SIGLEC14: variants seen among roughly 807,000 people sequenced by gnomAD.
SIGLEC14 encodes sialic acid-binding Ig-like lectin 14.
SIGLEC14 carries 11 observed loss-of-function variants against 34.2 expected under a neutral mutation model. The observed-to-expected ratio is 0.32, with a 90% confidence interval of 0.20 to 0.53. SIGLEC14 has a LOEUF of 0.53. Among genes scored for constraint, SIGLEC14 ranks in the 20% least tolerant of loss-of-function variants. The pLI is 0.95. For missense variants in SIGLEC14, 264 were observed against 439.0 expected (o/e 0.60, Z 3.56); for synonymous variants, 99 against 179.7 (o/e 0.55, Z 3.59).
chr19:51,643,816 C>T lies in SIGLEC14; in HGVS notation c.975G>A (p.Leu325=), dbSNP rs202211163. 2.0e-6 allele frequency: 3 copies of T among 1,527,636 alleles called. No homozygotes were observed. Among genetic ancestry groups the T allele is most frequent in the Admixed American group, 3.5e-5 (2 of 57,748 alleles). 94.6% of individuals were successfully genotyped at this position (1,527,636 alleles called of 1,614,324 possible). ...GGATGAAGGACAGGTGCTGGGAGCCCAGCGGATGCTGAACCCGGCAGGTGA... is the reference window on the plus strand; with the variant it reads ...GGATGAAGGACAGGTGCTGGGAGCCTAGCGGATGCTGAACCCGGCAGGTGA... The part of the protein sequence containing the change: ...GEFTCRVQHP[L]GSQHLSFILS... Residue 325 remains leucine (L), a synonymous_variant, in exon 5 of 7, where the codon CTG becomes CTA. Transcript: ENST00000360844.
rs1393915136 is a variant in SIGLEC14, at chr19:51,646,252, C to T, written c.421+5G>A. The T allele has an allele frequency of 1.1e-5, 16 of 1,418,758 alleles. 3 individuals carry two copies. The highest frequency in any genetic ancestry group is 5.6e-5 in the Admixed American group (3 of 53,726). The allele number at this position is 1,418,758 out of a possible 1,614,324, so 87.9% of individuals were successfully genotyped here. A position where few individuals can be genotyped will look rare whatever the true frequency, so the allele number is the denominator to read the frequency against. Reference sequence around the variant, plus strand: ...CAGGGTCCTCTCCTAGGGTTCCTGCCATACCTGTCACCTCCAAGTTCAGCT... The same window carrying T: ...CAGGGTCCTCTCCTAGGGTTCCTGCTATACCTGTCACCTCCAAGTTCAGCT... On this transcript the variant is annotated splice_donor_5th_base_variant and intron_variant, in intron 2 of 6. Coordinates refer to ENST00000360844, the MANE Select transcript of SIGLEC14 (RefSeq NM_001098612.3).
Position 51,643,412 on chromosome 19 carries a change from T to C in SIGLEC14, c.1149-15A>G. ...GGCCTCCACACCTGCAGAGCCAACA[T>C]GGGCCTCAGATCAGCACCAGCCACT... On this transcript the variant is annotated splice_polypyrimidine_tract_variant and intron_variant, in intron 6 of 6. Coordinates refer to ENST00000360844, the MANE Select transcript of SIGLEC14 (RefSeq NM_001098612.3). 1 of 1,479,478 alleles carries C rather than the reference T, an allele frequency of 6.8e-7. No homozygotes were observed. The highest frequency in any genetic ancestry group is 9.0e-7 in the Non-Finnish European group (1 of 1,113,758). 91.6% of individuals were successfully genotyped at this position (1,479,478 alleles called of 1,614,324 possible). A position where few individuals can be genotyped will look rare whatever the true frequency, so the allele number is the denominator to read the frequency against.
intron 6 of SIGLEC14, 51 bp downstream of exon 6, chr19:51,643,486 C>T: frequency 7.1e-7 from 1 of 1,409,330 alleles, no homozygotes; most frequent in Non-Finnish European, 9.3e-7. Flanking sequence ...CAGGACAGCT[C>T]AGCCCCACCT....
In SIGLEC14 at chr19:51,642,931, G is replaced by A. The variant is rs554556941; in HGVS notation, c.*424C>T. 75 of 152,840 alleles carry A rather than the reference G, an allele frequency of 4.9e-4. 9 individuals carry two copies. The highest frequency in any genetic ancestry group is 8.4e-4 in the Non-Finnish European group (65 of 77,678). The allele number at this position is 152,840 out of a possible 1,614,324, so 9.5% of individuals were successfully genotyped here. A position where few individuals can be genotyped will look rare whatever the true frequency, so the allele number is the denominator to read the frequency against. On this transcript the variant is annotated 3_prime_UTR_variant, in exon 7 of 7. Coordinates refer to ENST00000360844, the MANE Select transcript of SIGLEC14 (RefSeq NM_001098612.3). ...CCCAGCTACTAGGGAGGCTGAGGCA[G>A]GAGAATTGCTTGAACCCCAGAGGTG...
rs1009926703 is a variant in SIGLEC14, at chr19:51,639,569, A to G, written c.*3786T>C. On this transcript the variant is annotated 3_prime_UTR_variant, in exon 7 of 7. Coordinates refer to ENST00000360844, the MANE Select transcript of SIGLEC14 (RefSeq NM_001098612.3). ...CCAGCGGATTCAGTGTCTGGAGAGA[A>G]TTATTTGCTTCCCAGATAGTATCTT... 2 of 139,600 alleles carry G rather than the reference A, an allele frequency of 1.4e-5. No individual in the cohort carries two copies. The highest frequency in any genetic ancestry group is 3.1e-5 in the Non-Finnish European group (2 of 64,998). 8.6% of individuals were successfully genotyped at this position (139,600 alleles called of 1,614,324 possible).
In SIGLEC14 at chr19:51,640,303, C is replaced by T. The variant is rs1333626544; in HGVS notation, c.*3052G>A. Among the ~76,000 whole-genome samples the T allele has an allele frequency of 2.2e-5, 3 of 138,758 alleles. 1 individual carries two copies. Among genetic ancestry groups the T allele is most frequent in the African/African-American group, 8.2e-5 (3 of 36,490 alleles). 91.0% of individuals were successfully genotyped at this position (138,758 alleles called of 152,430 possible). A position where few individuals can be genotyped will look rare whatever the true frequency, so the allele number is the denominator to read the frequency against. On this transcript the variant is annotated 3_prime_UTR_variant, in exon 7 of 7. Transcript: ENST00000360844. ...GGAGTCAATATTTGGGGAAAGGCAC[C>T]AACAAGGAATAAATAGCTTTATTCC...
rs543339098 is a variant in SIGLEC14, at chr19:51,642,281, C to T, written c.*1074G>A. 5.8e-5 allele frequency among the ~76,000 whole-genome samples: 8 copies of T among 139,066 alleles called. No homozygotes were observed. Among genetic ancestry groups the T allele is most frequent in the Admixed American group, 1.4e-4 (2 of 14,480 alleles). 91.2% of individuals were successfully genotyped at this position (139,066 alleles called of 152,430 possible). ...AATGAGCTATTGATACGTGTAACAA[C>T]GTGGATAAACTGGGAAAACCACACT... is the stretch of plus-strand genomic sequence containing the variant. On this transcript the variant is annotated 3_prime_UTR_variant, in exon 7 of 7. Transcript: ENST00000360844.
rs1355178677 is a variant in SIGLEC14 at position 51,641,681 on chromosome 19, T to C, written c.*1674A>G. Among the ~76,000 whole-genome samples, 1 of 139,074 alleles carries C rather than the reference T, an allele frequency of 7.2e-6. No homozygotes were observed. Among genetic ancestry groups the C allele is most frequent in the Non-Finnish European group, 1.5e-5 (1 of 65,000 alleles). The allele number at this position is 139,074 out of a possible 152,430, so 91.2% of individuals were successfully genotyped here. On this transcript the variant is annotated 3_prime_UTR_variant, in exon 7 of 7. Coordinates refer to ENST00000360844, the MANE Select transcript of SIGLEC14 (RefSeq NM_001098612.3). Reference sequence around the variant, plus strand: ...CTGGAGACCATTATCCTCAGCAAACTATCACAAGAAGAGAAAACCAAATAC... The same window carrying C: ...CTGGAGACCATTATCCTCAGCAAACCATCACAAGAAGAGAAAACCAAATAC...
Position 51,643,191 on chromosome 19 carries a change from G to T in SIGLEC14, c.*164C>A. On this transcript the variant is annotated 3_prime_UTR_variant, in exon 7 of 7. Coordinates refer to ENST00000360844, the MANE Select transcript of SIGLEC14 (RefSeq NM_001098612.3). ...TGGGGATGCAGGTGTGGTGGGGCAA[G>T]ACTCACAAGCAGAGGGGAATAAGTA... 1.5e-6 allele frequency: 1 copy of T among 667,178 alleles called. No homozygotes were observed. The highest frequency in any genetic ancestry group is 1.6e-5 in the South Asian group (1 of 60,788). The allele number at this position is 667,178 out of a possible 1,614,324, so 41.3% of individuals were successfully genotyped here. A position where few individuals can be genotyped will look rare whatever the true frequency, so the allele number is the denominator to read the frequency against.
chr19:51,642,856 A>T lies in SIGLEC14; in HGVS notation c.*499T>A, dbSNP rs1252471400. 2.0e-5 allele frequency: 3 copies of T among 151,730 alleles called. 1 individual carries two copies. Among genetic ancestry groups the T allele is most frequent in the African/African-American group, 8.9e-5 (3 of 33,822 alleles). 9.4% of individuals were successfully genotyped at this position (151,730 alleles called of 1,614,324 possible). A position where few individuals can be genotyped will look rare whatever the true frequency, so the allele number is the denominator to read the frequency against. ...AACATGGTAAAACCCCATCTCTACT[A>T]ACATACAAAAAAAAAAAATTAACTG... On this transcript the variant is annotated 3_prime_UTR_variant, in exon 7 of 7. Coordinates refer to ENST00000360844, the MANE Select transcript of SIGLEC14 (RefSeq NM_001098612.3).
At position 51,643,999 on chromosome 19, in the gene SIGLEC14, G is replaced by T; in HGVS notation, c.792C>A (p.Ile264=). The change falls in exon 5 of 7, where the codon ATC becomes ATA. Residue 264 remains isoleucine (I), a synonymous_variant. Coordinates refer to ENST00000360844, the MANE Select transcript of SIGLEC14 (RefSeq NM_001098612.3). ...CGAGGAACAGGGACTGGCCCTCCTG[G>T]ATGGGCACCGACATGCCATTGCTCA... is the stretch of plus-strand genomic sequence containing the variant. ...RILSNGMSVP[I]QEGQSLFLAC... 1 of 1,527,402 alleles carries T rather than the reference G, an allele frequency of 6.5e-7. No homozygotes were observed. The highest frequency in any genetic ancestry group is 8.8e-7 in the Non-Finnish European group (1 of 1,138,138). The allele number at this position is 1,527,402 out of a possible 1,614,324, so 94.6% of individuals were successfully genotyped here. A position where few individuals can be genotyped will look rare whatever the true frequency, so the allele number is the denominator to read the frequency against.
rs1173295852 is a variant in SIGLEC14, at chr19:51,643,978, G to T, written c.813C>A (p.Phe271Leu). 2 of 1,532,376 alleles carry T rather than the reference G, an allele frequency of 1.3e-6. 1 individual carries two copies. The highest frequency in any genetic ancestry group is 3.0e-5 in the African/African-American group (2 of 67,706). The allele number at this position is 1,532,376 out of a possible 1,614,324, so 94.9% of individuals were successfully genotyped here. The change falls in exon 5 of 7, where the codon TTC becomes TTA. Residue 271 changes from phenylalanine (F) to leucine (L), a missense_variant. Physicochemically the swap from Phe to Leu is conservative, Grantham distance 22. This residue lies in a region of SIGLEC14 where 149 missense variants were observed against 184.4 expected (regional missense o/e 0.81). Coordinates refer to ENST00000360844, the MANE Select transcript of SIGLEC14 (RefSeq NM_001098612.3). ...GGTTGCTGTCAACTGTGCAGGCGAG[G>T]AACAGGGACTGGCCCTCCTGGATGG... Reference protein sequence around the residue: ...SVPIQEGQSLFLACTVDSNPP... With the variant: ...SVPIQEGQSLLLACTVDSNPP...
intron 4 of SIGLEC14, among the ~76,000 whole-genome samples, chr19:51,644,873 G>A (rs1377164713): frequency 7.3e-6 from 1 of 137,232 alleles, no homozygotes; most frequent in African/African-American, 2.8e-5. Context: ...GATTACTCAG[G>A]AATGTGGAGG....
intron 6 of SIGLEC14, 27 bp from the exon 7 acceptor site, chr19:51,643,424 C>T: frequency 6.7e-7 from 1 of 1,487,024 alleles, no homozygotes. Flanking sequence ...GGCCTCAGAT[C>T]AGCACCAGCC....
Position 51,646,247 on chromosome 19 carries a change from C to T in SIGLEC14, c.421+10G>A. 1 of 1,417,854 alleles carries T rather than the reference C, an allele frequency of 7.1e-7. No individual in the cohort carries two copies. The highest frequency in any genetic ancestry group is 9.4e-7 in the Non-Finnish European group (1 of 1,068,646). The allele number at this position is 1,417,854 out of a possible 1,614,324, so 87.8% of individuals were successfully genotyped here. On this transcript the variant is annotated intron_variant, in intron 2 of 6. Transcript: ENST00000360844. ...CGTCCCAGGGTCCTCTCCTAGGGTT[C>T]CTGCCATACCTGTCACCTCCAAGTT...
intron 4 of SIGLEC14, 40 bp downstream of exon 4, chr19:51,645,437 G>T (rs769368031): frequency 4.0e-6 from 6 of 1,482,038 alleles, no homozygotes; most frequent in Admixed American, 1.7e-5. Context: ...CTAATAGAAG[G>T]CTCCCATCAC....
In SIGLEC14 at chr19:51,643,536, C is replaced by G; in HGVS notation, c.1148+1G>C. On this transcript the variant is annotated splice_donor_variant, in intron 6 of 6. Transcript: ENST00000360844. LOFTEE classifies it high-confidence loss of function. ...TCCTGGAGACAGGCAGTCCGGCTCA[C>G]CTGGTATAGTAGATCCAGGTGAGGC... The G allele has an allele frequency of 2.0e-6, 3 of 1,508,662 alleles. No homozygotes were observed. The highest frequency in any genetic ancestry group is 2.7e-6 in the Non-Finnish European group (3 of 1,129,142). The allele number at this position is 1,508,662 out of a possible 1,614,324, so 93.5% of individuals were successfully genotyped here.
In SIGLEC14 at chr19:51,645,867, C is replaced by T; in HGVS notation, c.615G>A (p.Glu205=). The change falls in exon 3 of 7, where the codon GAG becomes GAA. Residue 205 remains glutamate (E), a synonymous_variant. Coordinates refer to ENST00000360844, the MANE Select transcript of SIGLEC14 (RefSeq NM_001098612.3). ...GACAGGTGAGGTTGGTGCCATGGTCCTCGGGCCTGGGGGTGAGGGTGAGCT... is the reference window on the plus strand; with the variant it reads ...GACAGGTGAGGTTGGTGCCATGGTCTTCGGGCCTGGGGGTGAGGGTGAGCT... ...SSELTLTPRP[E]DHGTNLTCQV... is the part of the protein sequence containing the mutation. The T allele has an allele frequency of 1.3e-6, 2 of 1,527,460 alleles. No homozygotes were observed. Among genetic ancestry groups the T allele is most frequent in the Non-Finnish European group, 1.8e-6 (2 of 1,139,634 alleles). 94.6% of individuals were successfully genotyped at this position (1,527,460 alleles called of 1,614,324 possible). A position where few individuals can be genotyped will look rare whatever the true frequency, so the allele number is the denominator to read the frequency against.
In SIGLEC14 at chr19:51,643,548, G is replaced by A; in HGVS notation, c.1137C>T (p.Ile379=). 1 of 1,517,894 alleles carries A rather than the reference G, an allele frequency of 6.6e-7. No individual in the cohort carries two copies. Among genetic ancestry groups the A allele is most frequent in the Non-Finnish European group, 8.8e-7 (1 of 1,134,172 alleles). The allele number at this position is 1,517,894 out of a possible 1,614,324, so 94.0% of individuals were successfully genotyped here. ...GCAGTCCGGCTCACCTGGTATAGTA[G>A]ATCCAGGTGAGGCCATAGGTGAGGA... ...GFLLTYGLTW[I]YYTRCGGPQQ... is the part of the protein sequence containing the mutation. Residue 379 remains isoleucine (I), a synonymous_variant, in exon 6 of 7, where the codon ATC becomes ATT. Transcript: ENST00000360844.
Sources: gnomAD v4.1 joint callset for allele counts (sites outside exome capture counted in the v4.1 genomes callset) on GRCh38, gnomAD v4.1.1 for gene constraint, gnomAD v4.1.1 regional missense constraint, MANE v1.5 for transcripts, NCBI Gene and HGNC (gene_info 2026-07-23, HGNC 2026-07-21) for gene names.